Variants in ASCC3 observed in about 807,000 individuals in gnomAD.
ASCC3 encodes the protein activating signal cointegrator 1 complex subunit 3, also known as ASC-1 complex subunit P200.
Under a neutral mutation model 256.3 loss-of-function variants are expected in ASCC3, and 158 were observed. That is an observed-to-expected ratio of 0.62 (90% CI 0.54 to 0.70). ASCC3 has a LOEUF of 0.70. ASCC3 is among the 30% of genes least tolerant of loss of function. The pLI is 0.00. For synonymous variants in ASCC3, 948 were observed against 883.4 expected (o/e 1.07, Z -1.30); for missense variants, 2,259 against 2,626.0 (o/e 0.86, Z 3.05).
chr6:100,867,971 G>A lies in ASCC3; in HGVS notation c.27C>T (p.Ala9=). 3 of 1,613,788 alleles carry A rather than the reference G, an allele frequency of 1.9e-6. No homozygotes were observed. Among genetic ancestry groups the A allele is most frequent in the Middle Eastern group, 1.7e-4 (1 of 6,060 alleles). The change falls in exon 2 of 42, where the codon GCC becomes GCT. Residue 9 remains alanine (A), a synonymous_variant. Transcript: ENST00000369162. The part of the protein sequence containing the change: MALPRLTG[A]LRSFSNVTKQ... ...TGGTGACATTTGAAAAGGAACGCAA[G>A]GCTCCTGTGAGACGAGGTAAAGCCA...
intron 36 of ASCC3, among the ~76,000 whole-genome samples, chr6:100,557,900 C>A (rs1238203227): frequency 6.6e-6 from 1 of 151,322 alleles, no homozygotes; most frequent in South Asian, 2.1e-4. Context: ...GATCACCCCC[C>A]CCAAAAAAAT....
intron 36 of ASCC3, among the ~76,000 whole-genome samples, chr6:100,582,211 C>T (rs1582491948): frequency 6.6e-6 from 1 of 151,960 alleles, no homozygotes; most frequent in Non-Finnish European, 1.5e-5. Context: ...ATTCTTCCTA[C>T]CCATGAGCAT....
chr6:100,510,497 C>A (rs1773707306), intron 40 of ASCC3, among the ~76,000 whole-genome samples: 1 of 152,116 alleles, frequency 6.6e-6, no homozygotes, highest in Non-Finnish European at 1.5e-5. Context: ...AAACCTTATT[C>A]ACCAAAAACG....
At chr6:100,686,791 CTATT>C (rs1485220322) in intron 13 of ASCC3, among the ~76,000 whole-genome samples, 2 of 152,012 alleles carry the variant, frequency 1.3e-5, no homozygotes, top group Non-Finnish European at 2.9e-5. Context: ...GTATATAAGA[CTATT>C]TATTGAACTA....
At chr6:100,616,869 T>G (rs181740252) in intron 30 of ASCC3, among the ~76,000 whole-genome samples, 1 of 152,156 alleles carries the variant, frequency 6.6e-6, no homozygotes, top group African/African-American at 2.4e-5. Context: ...AACACAGAGG[T>G]GTTGAGGGAA....
intron 10 of ASCC3, among the ~76,000 whole-genome samples, chr6:100,729,965 C>G (rs1025751401): frequency 6.6e-6 from 1 of 151,912 alleles, no homozygotes; most frequent in Non-Finnish European, 1.5e-5. Context: ...TCTCAGGAGC[C>G]ATTGATTCCA....
chr6:100,620,001 T>A (rs867250293), intron 30 of ASCC3, among the ~76,000 whole-genome samples: 21 of 152,124 alleles, frequency 1.4e-4, no homozygotes, highest in Admixed American at 7.2e-4. Context: ...AGAAAAAAAA[T>A]TTTTTAATTA....
chr6:100,634,919 G>A (rs1439934616), intron 25 of ASCC3, among the ~76,000 whole-genome samples: 1 of 151,608 alleles, frequency 6.6e-6, no homozygotes, highest in Non-Finnish European at 1.5e-5. Flanking sequence ...ACATGTAGGT[G>A]AGGATGTGGA....
At chr6:100,800,964 CTACT>C (rs1344042286) in intron 5 of ASCC3, among the ~76,000 whole-genome samples, 2 of 151,940 alleles carry the variant, frequency 1.3e-5, no homozygotes, top group African/African-American at 4.8e-5. Flanking sequence ...ACATATGTTA[CTACT>C]TAGTTATTTA....
At chr6:100,608,062 A>ATATATACACATATATATGTATATATATC (rs1773003429) in intron 30 of ASCC3, among the ~76,000 whole-genome samples, 3 of 32,914 alleles carry the variant, frequency 9.1e-5, no homozygotes, top group African/African-American at 2.7e-4. Flanking sequence ...ATATATACAC[A>ATATATACACATATATATGTATATATATC]TATATATACA....
chr6:100,545,746 T>A (rs527551287), intron 36 of ASCC3, among the ~76,000 whole-genome samples: 9 of 152,142 alleles, frequency 5.9e-5, no homozygotes, highest in Admixed American at 5.2e-4. Context: ...CTTGGCTAAT[T>A]AAAAAAAATA....
intron 4 of ASCC3, among the ~76,000 whole-genome samples, chr6:100,827,544 A>C (rs927042355): frequency 2.0e-5 from 3 of 152,148 alleles, no homozygotes; most frequent in Non-Finnish European, 4.4e-5. Flanking sequence ...ATATTCTATT[A>C]GATGCATTCA....
At chr6:100,782,056 A>C (rs1404961710) in intron 8 of ASCC3, among the ~76,000 whole-genome samples, 5 of 152,140 alleles carry the variant, frequency 3.3e-5, no homozygotes, top group African/African-American at 1.2e-4. Context: ...AAAATTACTA[A>C]AACCCAGGCT....
At chr6:100,787,896 A>G (rs1486292047) in intron 8 of ASCC3, among the ~76,000 whole-genome samples, 2 of 152,032 alleles carry the variant, frequency 1.3e-5, no homozygotes, top group Non-Finnish European at 2.9e-5. Flanking sequence ...AAAATTACGA[A>G]GAAAATCTTA....
At chr6:100,674,699 C>A (rs1431697760) in intron 14 of ASCC3, among the ~76,000 whole-genome samples, 1 of 146,738 alleles carries the variant, frequency 6.8e-6, no homozygotes, top group East Asian at 2.0e-4. Flanking sequence ...GTGGCGCGAT[C>A]TTGGCTCACT....
chr6:100,576,112 G>A (rs1770845022), intron 36 of ASCC3, among the ~76,000 whole-genome samples: 1 of 151,928 alleles, frequency 6.6e-6, no homozygotes, highest in Non-Finnish European at 1.5e-5. Flanking sequence ...CTAGGAGGAG[G>A]GCATCAATGG....
chr6:100,561,641 A>G (rs1769958683), intron 36 of ASCC3, among the ~76,000 whole-genome samples: 1 of 152,074 alleles, frequency 6.6e-6, no homozygotes, highest in Non-Finnish European at 1.5e-5. Context: ...ACTGGTTAAA[A>G]AAGTAAAAGT....
chr6:100,567,256 G>T (rs933130576), intron 36 of ASCC3, among the ~76,000 whole-genome samples: 3 of 151,992 alleles, frequency 2.0e-5, no homozygotes, highest in Non-Finnish European at 2.9e-5. Context: ...TCTATGCATA[G>T]TAATATATAT....
At chr6:100,762,991 G>T (rs751919636) in intron 10 of ASCC3, among the ~76,000 whole-genome samples, 50 of 152,012 alleles carry the variant, frequency 3.3e-4, no homozygotes, top group Non-Finnish European at 6.3e-4. Flanking sequence ...CTGATTATTG[G>T]GAAACTTATT....
Sources: allele counts gnomAD v4.1 joint callset (sites outside exome capture counted in the v4.1 genomes callset), GRCh38; gene constraint gnomAD v4.1.1; transcripts MANE v1.5; gene names NCBI Gene and HGNC (gene_info 2026-07-23, HGNC 2026-07-21).